The following RBM34 variants were observed in gnomAD, a reference collection of about 807,000 sequenced individuals.
RBM34 encodes RNA binding motif protein 34, also known as RNA-binding protein 34.
Under a neutral mutation model 44.6 loss-of-function variants are expected in RBM34, and 39 were observed. The observed-to-expected ratio is 0.87, with a 90% CI of 0.68 to 1.14. The LOEUF is 1.14. RBM34 is among the 50% of genes most tolerant of loss of function. RBM34 has a pLI of 0.00. For missense variants in RBM34, 572 were observed against 517.9 expected (o/e 1.10, Z -1.01); for synonymous variants, 194 against 184.0 (o/e 1.05, Z -0.44).
At chr1:235,143,223 G>T (rs1661758388) in intron 6 of RBM34, among the ~76,000 whole-genome samples, 1 of 152,168 alleles carries the variant, frequency 6.6e-6, no homozygotes, top group South Asian at 2.1e-4. Flanking sequence ...TGCTGGTGAG[G>T]ATGTGAAGCA....
At chr1:235,146,764 G>A (rs1012035932) in intron 6 of RBM34, among the ~76,000 whole-genome samples, 1 of 152,092 alleles carries the variant, frequency 6.6e-6, no homozygotes, top group African/African-American at 2.4e-5. Context: ...GGGACTACAG[G>A]CATGTGCCAC....
rs760810716 is a variant in RBM34 at position 235,138,191 on chromosome 1, A to AG, written c.702-18_702-17insC. ...ATTTTACGTCTACACCAAAAAAAAAAAAAGAAAGAAAGAAAAGAGAGACAA... is the reference window on the plus strand; with the variant it reads ...ATTTTACGTCTACACCAAAAAAAAAAGAAAGAAAGAAAGAAAAGAGAGACAA... On this transcript the variant is annotated splice_polypyrimidine_tract_variant and intron_variant, in intron 6 of 10. Transcript: ENST00000408888. The AG allele has an allele frequency of 1.2e-5, 18 of 1,549,964 alleles. No individual in the cohort carries two copies. In the South Asian group the frequency reaches 1.9e-4, roughly 17 times the overall value.
rs368543716 is a variant in RBM34, at chr1:235,161,246, A to G, written c.-20T>C. 57 of 1,613,180 alleles carry G rather than the reference A, an allele frequency of 3.5e-5. No homozygotes were observed. Among genetic ancestry groups the G allele is most frequent in the Non-Finnish European group, 4.3e-5 (51 of 1,179,784 alleles). On this transcript the variant is annotated 5_prime_UTR_variant, in exon 1 of 11. Transcript: ENST00000408888. ...GGCCATTCTTACTCCAAAGACTCCC[A>G]GACTGCAGCTGCGCGCCAGCTCGCA...
In RBM34 at chr1:235,137,945, A is replaced by G. The variant is rs1661496606; in HGVS notation, c.786-5T>C. On this transcript the variant is annotated splice_polypyrimidine_tract_variant and splice_region_variant and intron_variant, in intron 7 of 10. Transcript: ENST00000408888. The stretch of plus-strand genomic sequence containing the variant: ...TCTGCAATCTGGGCCCCATTTCTGT[A>G]TTATAAATACAAAGGGAAAATGGTT... 4 of 1,601,196 alleles carry G rather than the reference A, an allele frequency of 2.5e-6. No homozygotes were observed. Among genetic ancestry groups the G allele is most frequent in the Middle Eastern group, 1.7e-4 (1 of 6,030 alleles).
chr1:235,144,067 T>C (rs986112716), intron 6 of RBM34, among the ~76,000 whole-genome samples: 3 of 151,598 alleles, frequency 2.0e-5, no homozygotes. Context: ...GTCCCAGGTA[T>C]TTAGGAGGCT....
rs572739814 is a variant in RBM34 at position 235,159,929 on chromosome 1, A to G, written c.365+582T>C. Among the ~76,000 whole-genome samples, 13 of 152,130 alleles carry G rather than the reference A, an allele frequency of 8.5e-5. No homozygotes were observed. The East Asian group carries it at 2.5e-3, about 29-fold the overall frequency. On this transcript the variant is annotated intron_variant, in intron 3 of 10. Coordinates refer to ENST00000408888, the MANE Select transcript of RBM34 (RefSeq NM_015014.4). ...TATATACATGCTGAAATATTTATAG[A>G]TGAAACATAAATTTTCATTTTGCTT...
chr1:235,146,979 C>G (rs1295726604), intron 6 of RBM34, among the ~76,000 whole-genome samples: 1 of 152,118 alleles, frequency 6.6e-6, no homozygotes, highest in Admixed American at 6.5e-5. Context: ...GCTCATAATC[C>G]CACTGCTTTA....
At chr1:235,148,790 C>T (rs969175987) in intron 5 of RBM34, among the ~76,000 whole-genome samples, 2 of 151,662 alleles carry the variant, frequency 1.3e-5, no homozygotes, top group Admixed American at 6.6e-5. Flanking sequence ...AGTAGAGATG[C>T]GGTTTCATCA....
intron 8 of RBM34, 162 bp from the exon 9 acceptor site, chr1:235,136,235 G>C: frequency 1.5e-6 from 1 of 660,164 alleles, no homozygotes. Context: ...TGTCTTCCCT[G>C]CTGGACTGTG....
At chr1:235,139,747 G>C (rs540408566) in intron 6 of RBM34, among the ~76,000 whole-genome samples, 2 of 152,190 alleles carry the variant, frequency 1.3e-5, no homozygotes, top group African/African-American at 2.4e-5. Flanking sequence ...CTGAAGTCTT[G>C]GGGAAAGCCA....
intron 5 of RBM34, among the ~76,000 whole-genome samples, chr1:235,149,296 G>A (rs2102849600): frequency 6.6e-6 from 1 of 151,602 alleles, no homozygotes; most frequent in African/African-American, 2.4e-5. Context: ...GGCTGAGGCA[G>A]GAGAATGGCG....
chr1:235,134,286 A>T (rs1661324561), intron 10 of RBM34, among the ~76,000 whole-genome samples: 1 of 152,036 alleles, frequency 6.6e-6, no homozygotes, highest in African/African-American at 2.4e-5. Flanking sequence ...GGCCTCCTAA[A>T]GTGGTGGGAT....
chr1:235,135,434 G>T (rs1661384397), intron 10 of RBM34, among the ~76,000 whole-genome samples: 1 of 151,728 alleles, frequency 6.6e-6, no homozygotes. Flanking sequence ...TTACCATGTG[G>T]GCCAGGCTGG....
At chr1:235,133,189 A>C (rs1661285672) in intron 10 of RBM34, among the ~76,000 whole-genome samples, 1 of 148,006 alleles carries the variant, frequency 6.8e-6, no homozygotes, top group South Asian at 2.1e-4. Context: ...AAAAAATACA[A>C]GAATTAGCCA....
chr1:235,160,208 C>T (rs1662639039), intron 3 of RBM34: 1 of 496,148 alleles, frequency 2.0e-6, no homozygotes, highest in East Asian at 5.5e-5. Context: ...GCTGAGATCA[C>T]TGCACTCTAC....
rs1453344134 is a variant in RBM34, at chr1:235,138,191, A to G, written c.702-17T>C. 8 of 1,549,960 alleles carry G rather than the reference A, an allele frequency of 5.2e-6. No homozygotes were observed. The highest frequency in any genetic ancestry group is 4.2e-5 in the African/African-American group (3 of 71,582). On this transcript the variant is annotated splice_polypyrimidine_tract_variant and intron_variant, in intron 6 of 10. Coordinates refer to ENST00000408888, the MANE Select transcript of RBM34 (RefSeq NM_015014.4). ...ATTTTACGTCTACACCAAAAAAAAA[A>G]AAAGAAAGAAAGAAAAGAGAGACAA...
intron 6 of RBM34, among the ~76,000 whole-genome samples, chr1:235,145,973 T>G (rs1277238837): frequency 7.1e-6 from 1 of 141,582 alleles, no homozygotes; most frequent in Non-Finnish European, 1.5e-5. Flanking sequence ...CAGGTTTTTT[T>G]TTTTTTTTTT....
intron 3 of RBM34, among the ~76,000 whole-genome samples, chr1:235,157,053 G>A (rs1210933302): frequency 2.0e-5 from 3 of 152,198 alleles, no homozygotes; most frequent in Non-Finnish European, 4.4e-5. Flanking sequence ...AAACGAGACA[G>A]TACAGTAAGG....
intron 5 of RBM34, among the ~76,000 whole-genome samples, chr1:235,149,997 T>C (rs1322791079): frequency 6.6e-6 from 1 of 152,200 alleles, no homozygotes; most frequent in Non-Finnish European, 1.5e-5. Flanking sequence ...ATAATCAACA[T>C]GTGAATGACA....
Sources: gnomAD v4.1 joint callset for allele counts (sites outside exome capture counted in the v4.1 genomes callset) on GRCh38, gnomAD v4.1.1 for gene constraint, MANE v1.5 for transcripts, NCBI Gene and HGNC (gene_info 2026-07-23, HGNC 2026-07-21) for gene names.